DIAPH2: variants seen among roughly 807,000 people sequenced by gnomAD.
DIAPH2 encodes the protein diaphanous related formin 2, also known as protein diaphanous homolog 2.
In DIAPH2, 35 loss-of-function variants were observed where a neutral mutation model predicts 92.7. The observed-to-expected ratio is 0.38, with a 90% CI of 0.29 to 0.50. The LOEUF is 0.50. Among genes scored for constraint, DIAPH2 ranks in the 20% least tolerant of loss-of-function variants. The pLI is 0.94. For missense variants in DIAPH2, 701 were observed against 819.5 expected, an observed-to-expected ratio of 0.86 and a Z score of 1.77; for synonymous variants, 301 against 280.4, an observed-to-expected ratio of 1.07 and a Z score of -0.73.
chrX:97,203,780 C>T (rs776706031), intron 22 of DIAPH2, among the ~76,000 whole-genome samples: 47 of 111,657 alleles, frequency 4.2e-4, no homozygotes, highest in Non-Finnish European at 7.7e-4. Context: ...GAAACTATTC[C>T]AGACAACTGA....
At chrX:96,736,683 G>A (rs1426734081) in intron 2 of DIAPH2, among the ~76,000 whole-genome samples, 20 of 112,171 alleles carry the variant, frequency 1.8e-4, no homozygotes, top group Admixed American at 1.0e-3. Flanking sequence ...GATTACAGGC[G>A]TGAGCCACCG....
In DIAPH2 at chrX:97,297,691, G is replaced by A. The variant is rs1436988717; in HGVS notation, c.2844+49852G>A. 2.8e-5 allele frequency among the ~76,000 whole-genome samples: 3 copies of A among 107,452 alleles called. No homozygotes were observed. The Admixed American group carries it at 3.1e-4, about 11-fold the overall frequency. 93.3% of individuals were successfully genotyped at this position (107,452 alleles called of 115,157 possible). ...TGGTTCTACTGGTTTGGATAAATGG[G>A]ACAGGTGCCAACAATTACCACTGGT... On this transcript the variant is annotated intron_variant, in intron 23 of 26. Transcript: ENST00000324765.
intron 23 of DIAPH2, among the ~76,000 whole-genome samples, chrX:97,321,685 G>T (rs2068897934): frequency 9.2e-6 from 1 of 108,287 alleles, no homozygotes; most frequent in Admixed American, 1.0e-4. Context: ...GAGTAGCTGG[G>T]ACTACAGGCG....
intron 9 of DIAPH2, among the ~76,000 whole-genome samples, chrX:96,920,574 A>T (rs184786709): frequency 3.2e-3 from 363 of 111,946 alleles, no homozygotes; most frequent in African/African-American, 0.011. Flanking sequence ...TAAGGGATAG[A>T]GCTGTAATTT....
chrX:97,324,638 A>G, intron 23 of DIAPH2, among the ~76,000 whole-genome samples: 1 of 111,888 alleles, frequency 8.9e-6, no homozygotes. Context: ...AAGAACCTGC[A>G]TATAGTAGAG....
intron 8 of DIAPH2, among the ~76,000 whole-genome samples, chrX:96,917,425 ATT>A (rs1281768987): frequency 9.0e-6 from 1 of 111,407 alleles, no homozygotes; most frequent in Non-Finnish European, 1.9e-5. Context: ...AAACAAAAAT[ATT>A]ATCATATTAA....
At chrX:97,527,524 T>A (rs767046370) in intron 26 of DIAPH2, among the ~76,000 whole-genome samples, 1 of 112,348 alleles carries the variant, frequency 8.9e-6, no homozygotes, top group African/African-American at 3.2e-5. Flanking sequence ...TTGCTTTAGA[T>A]GTCAGTTGTT....
rs183079540 is a variant in DIAPH2 at position 97,345,335 on chromosome X, A to G, written c.2845-2781A>G. ...AATGCTAATACTTACGTAGCATAAA[A>G]AAAGAACATAGGAAGTGGGCATCTC... On this transcript the variant is annotated intron_variant, in intron 23 of 26. Coordinates refer to ENST00000324765, the MANE Select transcript of DIAPH2 (RefSeq NM_006729.5). Among the ~76,000 whole-genome samples, 3 of 111,802 alleles carry G rather than the reference A, an allele frequency of 2.7e-5. No individual in the cohort carries two copies. The Admixed American group carries it at 2.9e-4, about 11-fold the overall frequency.
At chrX:97,073,262 AT>A (rs2066681828) in intron 18 of DIAPH2, among the ~76,000 whole-genome samples, 1 of 111,992 alleles carries the variant, frequency 8.9e-6, no homozygotes, top group Non-Finnish European at 1.9e-5. Flanking sequence ...AAACTTGGGA[AT>A]AGTAAAGATT....
intron 22 of DIAPH2, among the ~76,000 whole-genome samples, chrX:97,229,825 TAACA>T (rs1293666247): frequency 2.8e-5 from 2 of 71,921 alleles, no homozygotes; most frequent in Non-Finnish European, 6.8e-5. Flanking sequence ...TTATATATAA[TAACA>T]ATATTACATC....
intron 23 of DIAPH2, among the ~76,000 whole-genome samples, chrX:97,320,063 G>T (rs940323227): frequency 9.5e-6 from 1 of 104,999 alleles, no homozygotes; most frequent in African/African-American, 3.5e-5. Flanking sequence ...TTGCGCCATT[G>T]CACTCCAGCC....
chrX:97,092,871 CA>C (rs1484688041), intron 19 of DIAPH2, among the ~76,000 whole-genome samples: 1 of 110,980 alleles, frequency 9.0e-6, no homozygotes, highest in African/African-American at 3.3e-5. Flanking sequence ...ATATATCTGT[CA>C]ACCTATTTTG....
intron 4 of DIAPH2, among the ~76,000 whole-genome samples, chrX:96,778,685 TC>T (rs1313003935): frequency 1.8e-5 from 2 of 111,887 alleles, no homozygotes; most frequent in Non-Finnish European, 3.8e-5. Flanking sequence ...TGTCATATCT[TC>T]CTAATCTTCT....
rs750653001 is a variant in DIAPH2 at position 97,018,801 on chromosome X, C to G, written c.2050+53594C>G. ...AAGTCCATAGTTCAGAGTTTACTCT[C>G]TGTGTTATATAGTTCTATGTGTTTT... On this transcript the variant is annotated intron_variant, in intron 17 of 26. Coordinates refer to ENST00000324765, the MANE Select transcript of DIAPH2 (RefSeq NM_006729.5). Among the ~76,000 whole-genome samples the G allele has an allele frequency of 2.4e-4, 27 of 111,618 alleles. 1 individual carries two copies. The highest frequency in any genetic ancestry group is 8.1e-4 in the African/African-American group (25 of 30,758).
intron 23 of DIAPH2, among the ~76,000 whole-genome samples, chrX:97,251,755 C>G (rs940091999): frequency 9.0e-6 from 1 of 111,498 alleles, no homozygotes. Context: ...AAGGACAGAG[C>G]TCAGAAAGTG....
chrX:97,585,162 T>C (rs183653473), intron 26 of DIAPH2, among the ~76,000 whole-genome samples: 256 of 111,404 alleles, frequency 2.3e-3, no homozygotes, highest in Non-Finnish European at 4.1e-3. Context: ...GGTATCCTTA[T>C]GTAAACACTT....
At chrX:97,185,474 C>CACATAT (rs2067590829) in intron 22 of DIAPH2, among the ~76,000 whole-genome samples, 3 of 10,504 alleles carry the variant, frequency 2.9e-4, no homozygotes, top group African/African-American at 9.7e-4. Context: ...TATATATACA[C>CACATAT]ATATATATAT....
At chrX:96,763,970 C>CT (rs201674981) in intron 4 of DIAPH2, among the ~76,000 whole-genome samples, 15,154 of 97,309 alleles carry the variant, frequency 0.16, 1,108 homozygotes, top group East Asian at 0.32. Flanking sequence ...TCTTACTCTT[C>CT]TTTTTTTTTT....
chrX:96,937,451 C>A (rs2147799221), intron 11 of DIAPH2, 100 bp downstream of exon 11: 1 of 433,045 alleles, frequency 2.3e-6, no homozygotes, highest in Non-Finnish European at 4.0e-6. Flanking sequence ...TCTGCCCTCC[C>A]AATTTATATC....
Sources: gnomAD v4.1 joint callset for allele counts (sites outside exome capture counted in the v4.1 genomes callset) on GRCh38, gnomAD v4.1.1 for gene constraint, MANE v1.5 for transcripts, NCBI Gene and HGNC (gene_info 2026-07-23, HGNC 2026-07-21) for gene names.